Variants in HTR1F observed in about 807,000 individuals in gnomAD.
HTR1F encodes 5-hydroxytryptamine receptor 1F.
In HTR1F, 17 loss-of-function variants were observed where a neutral mutation model predicts 24.0. The observed-to-expected ratio is 0.71, with a 90% CI of 0.48 to 1.06. The LOEUF (loss-of-function observed/expected upper bound fraction) is 1.06, where lower values mean the gene tolerates loss of function less well. Among genes scored for constraint, HTR1F ranks in the 50% least tolerant of loss-of-function variants. The pLI, the probability that HTR1F is intolerant of heterozygous loss-of-function variation, is 0.00. For synonymous variants in HTR1F, 186 were observed against 156.8 expected, an observed-to-expected ratio of 1.19 and a Z score of -1.39; for missense variants, 391 against 427.8, an observed-to-expected ratio of 0.91 and a Z score of 0.76.
intron 2 of HTR1F, among the ~76,000 whole-genome samples, chr3:87,968,270 T>G (rs1559651926): frequency 6.6e-6 from 1 of 152,044 alleles, no homozygotes; most frequent in Non-Finnish European, 1.5e-5. Flanking sequence ...TGGAGTGCAA[T>G]GGCACGATCT....
intron 2 of HTR1F, among the ~76,000 whole-genome samples, chr3:87,969,489 G>T (rs1195131842): frequency 5.3e-5 from 8 of 152,186 alleles, no homozygotes; most frequent in Non-Finnish European, 1.2e-4. Context: ...CTGGATTTTG[G>T]ACTTTCACGG....
At chr3:87,970,635 G>A (rs1371035533) in intron 2 of HTR1F, among the ~76,000 whole-genome samples, 1 of 152,176 alleles carries the variant, frequency 6.6e-6, no homozygotes, top group Non-Finnish European at 1.5e-5. Context: ...GAAAAGATAA[G>A]AGCTCTGCCT....
At chr3:87,945,147 C>G (rs1210319188) in intron 2 of HTR1F, among the ~76,000 whole-genome samples, 3 of 151,932 alleles carry the variant, frequency 2.0e-5, no homozygotes, top group African/African-American at 7.3e-5. Context: ...CTCTCCCTCT[C>G]TCTCCTTCTC....
At chr3:87,809,420 T>G (rs1192188163) in intron 1 of HTR1F, among the ~76,000 whole-genome samples, 1 of 151,974 alleles carries the variant, frequency 6.6e-6, no homozygotes, top group African/African-American at 2.4e-5. Context: ...TTTTTGTGTT[T>G]AAATATTTTC....
At chr3:87,987,335 T>C (rs1221377646) in intron 2 of HTR1F, among the ~76,000 whole-genome samples, 1 of 151,848 alleles carries the variant, frequency 6.6e-6, no homozygotes, top group Non-Finnish European at 1.5e-5. Flanking sequence ...TTACCTGTAA[T>C]CATTGACCTT....
At chr3:87,924,750 G>A (rs985937503) in intron 2 of HTR1F, among the ~76,000 whole-genome samples, 1 of 152,090 alleles carries the variant, frequency 6.6e-6, no homozygotes, top group Non-Finnish European at 1.5e-5. Context: ...TCTAATGAGG[G>A]TTCCTTCATA....
Position 87,993,779 on chromosome 3 carries a change from A to G in HTR1F, c.*1929A>G, listed in dbSNP as rs1395397089. ...GTCAATTTTATTGCTGACGATGGGT[A>G]ATCACTGATACTTTTAGCAAAAATA... On this transcript the variant is annotated 3_prime_UTR_variant, in exon 3 of 3. Coordinates refer to ENST00000319595, the MANE Select transcript of HTR1F (RefSeq NM_001322209.2). 1 of 167,084 alleles carries G rather than the reference A, an allele frequency of 6.0e-6. No individual in the cohort carries two copies. The highest frequency in any genetic ancestry group is 1.5e-5 in the Non-Finnish European group (1 of 68,118). The allele number at this position is 167,084 out of a possible 1,614,324, so 10.4% of individuals were successfully genotyped here.
chr3:87,817,975 C>T (rs1051726935), intron 1 of HTR1F, among the ~76,000 whole-genome samples: 30 of 152,102 alleles, frequency 2.0e-4, no homozygotes, highest in African/African-American at 7.2e-4. Context: ...TGATAACCTT[C>T]AGAAATGGCA....
chr3:87,808,011 A>T (rs150252610), intron 1 of HTR1F, among the ~76,000 whole-genome samples: 18 of 151,440 alleles, frequency 1.2e-4, no homozygotes, highest in African/African-American at 4.4e-4. Flanking sequence ...GTGCTGTTGG[A>T]TTTGGTTTGC....
chr3:87,972,105 C>A (rs1705298015), intron 2 of HTR1F, among the ~76,000 whole-genome samples: 1 of 152,108 alleles, frequency 6.6e-6, no homozygotes, highest in African/African-American at 2.4e-5. Context: ...GAGTGACTAG[C>A]AGGAACCAAA....
chr3:87,958,288 TG>T (rs1704987190), intron 2 of HTR1F, among the ~76,000 whole-genome samples: 1 of 151,346 alleles, frequency 6.6e-6, no homozygotes, highest in African/African-American at 2.4e-5. Context: ...ACTGTTTGGG[TG>T]GTTGTTTTTT....
intron 2 of HTR1F, among the ~76,000 whole-genome samples, chr3:87,969,483 AT>A (rs1469856703): frequency 6.6e-6 from 1 of 152,186 alleles, no homozygotes; most frequent in African/African-American, 2.4e-5. Context: ...GCCCTGCTGG[AT>A]TTTGGACTTT....
At chr3:87,967,415 A>T (rs144552688) in intron 2 of HTR1F, among the ~76,000 whole-genome samples, 163 of 151,048 alleles carry the variant, frequency 1.1e-3, no homozygotes, top group African/African-American at 3.9e-3. Context: ...GTGCCACTAC[A>T]CTCCAGCCTG....
At chr3:87,941,521 C>T (rs976144279) in intron 2 of HTR1F, among the ~76,000 whole-genome samples, 1 of 152,114 alleles carries the variant, frequency 6.6e-6, no homozygotes, top group African/African-American at 2.4e-5. Flanking sequence ...GAACAGGCGG[C>T]TAAAAGTAAC....
In HTR1F at chr3:87,840,273, A is replaced by G. The variant is rs553434076; in HGVS notation, c.-43+18149A>G. On this transcript the variant is annotated intron_variant, in intron 2 of 2. Coordinates refer to ENST00000319595, the MANE Select transcript of HTR1F (RefSeq NM_001322209.2). The stretch of plus-strand genomic sequence containing the variant: ...GATATTAGACCTTTGTCAGATGCAT[A>G]GTTTGTGAATATTTTCTATAGAAGT... Among the ~76,000 whole-genome samples, 4 of 152,280 alleles carry G rather than the reference A, an allele frequency of 2.6e-5. No individual in the cohort carries two copies. The South Asian group carries it at 6.2e-4, about 24-fold the overall frequency.
intron 2 of HTR1F, among the ~76,000 whole-genome samples, chr3:87,935,747 C>A (rs577368607): frequency 4.6e-5 from 7 of 151,938 alleles, no homozygotes; most frequent in Non-Finnish European, 7.4e-5. Context: ...TATTTAACAT[C>A]TCTGTGTTAG....
chr3:87,918,236 C>A (rs1341117604), intron 2 of HTR1F, among the ~76,000 whole-genome samples: 2 of 151,886 alleles, frequency 1.3e-5, no homozygotes, highest in Non-Finnish European at 2.9e-5. Flanking sequence ...TAATAAAAGC[C>A]ATCTATGACA....
At chr3:87,861,721 C>T (rs116302941) in intron 2 of HTR1F, among the ~76,000 whole-genome samples, 3,215 of 152,114 alleles carry the variant, frequency 0.021, 122 homozygotes, top group African/African-American at 0.073. Context: ...AATTAGATGG[C>T]CAATTCCTTC....
chr3:87,881,305 C>T (rs1232113128), intron 2 of HTR1F, among the ~76,000 whole-genome samples: 1 of 152,226 alleles, frequency 6.6e-6, no homozygotes, highest in Non-Finnish European at 1.5e-5. Context: ...GCGGGTCCCA[C>T]ACCAACAGAG....
Sources: gnomAD v4.1 joint callset for allele counts (sites outside exome capture counted in the v4.1 genomes callset) on GRCh38, gnomAD v4.1.1 for gene constraint, MANE v1.5 for transcripts, NCBI Gene and HGNC (gene_info 2026-07-23, HGNC 2026-07-21) for gene names.